DAB1: variants seen among roughly 807,000 people sequenced by gnomAD.
The protein encoded by DAB1 is DAB adaptor protein 1.
DAB1 carries 15 observed loss-of-function variants against 64.6 expected under a neutral mutation model. The ratio of observed to expected loss-of-function variants is 0.23; its 90% CI spans 0.16 to 0.36. The LOEUF is 0.36. Among genes scored for constraint, DAB1 ranks in the 10% least tolerant of loss-of-function variants. The pLI, the probability that DAB1 is intolerant of heterozygous loss-of-function variation, is 1.00. For synonymous variants in DAB1, 235 were observed against 251.9 expected (o/e 0.93, Z 0.64); for missense variants, 596 against 706.7 (o/e 0.84, Z 1.78).
chr1:57,315,738 G>A (rs751337856), intron 1 of DAB1, among the ~76,000 whole-genome samples: 2 of 152,118 alleles, frequency 1.3e-5, no homozygotes, highest in Non-Finnish European at 2.9e-5. Flanking sequence ...TCCTGACCTC[G>A]TGATCCGCCC....
intron 1 of DAB1, among the ~76,000 whole-genome samples, chr1:57,315,084 A>G (rs976841515): frequency 2.1e-4 from 32 of 152,016 alleles, no homozygotes; most frequent in African/African-American, 6.8e-4. Context: ...CCACCACCCC[A>G]CTTCTTCTGT....
intron 6 of DAB1, among the ~76,000 whole-genome samples, chr1:57,737,238 T>C (rs1647735628): frequency 6.6e-6 from 1 of 152,168 alleles, no homozygotes; most frequent in South Asian, 2.1e-4. Flanking sequence ...CAAAAGACAA[T>C]GGTGCTTGTT....
At chr1:58,144,667 T>C (rs1034946757) in intron 5 of DAB1, among the ~76,000 whole-genome samples, 22 of 152,146 alleles carry the variant, frequency 1.4e-4, no homozygotes, top group African/African-American at 5.3e-4. Context: ...GCTCTGACTC[T>C]ACCAGAATGA....
chr1:58,048,013 A>C (rs2100519801), intron 5 of DAB1: 1 of 626,930 alleles, frequency 1.6e-6, no homozygotes, highest in South Asian at 1.7e-5. Flanking sequence ...ATAGTCCTCA[A>C]GTTTTTTGCC....
intron 2 of DAB1, among the ~76,000 whole-genome samples, chr1:57,235,217 T>C (rs550187832): frequency 6.6e-6 from 1 of 152,320 alleles, no homozygotes; most frequent in Admixed American, 6.5e-5. Context: ...ACTTATTCTC[T>C]GTGTGCTTCT....
At chr1:57,802,428 A>G (rs1171403034) in intron 6 of DAB1, among the ~76,000 whole-genome samples, 2 of 152,204 alleles carry the variant, frequency 1.3e-5, no homozygotes, top group African/African-American at 2.4e-5. Context: ...CTAAAGGGGA[A>G]GGAGTGGACA....
intron 7 of DAB1, among the ~76,000 whole-genome samples, chr1:57,529,472 A>G (rs930066828): frequency 1.9e-4 from 29 of 152,118 alleles, no homozygotes; most frequent in Admixed American, 1.8e-3. Context: ...ACTATATATC[A>G]TTTACACATA....
At chr1:58,330,788 G>A (rs1662951894) in intron 4 of DAB1, among the ~76,000 whole-genome samples, 1 of 152,132 alleles carries the variant, frequency 6.6e-6, no homozygotes, top group Non-Finnish European at 1.5e-5. Flanking sequence ...GCCCACTATT[G>A]AGACTGACTG....
At chr1:57,515,118 A>AAAAAG (rs147543726) in intron 7 of DAB1, among the ~76,000 whole-genome samples, 6,610 of 151,744 alleles carry the variant, frequency 0.044, 356 homozygotes, top group African/African-American at 0.13. Context: ...GAAAGAAAGA[A>AAAAAG]AAAAGAAAAG....
chr1:57,520,653 T>C (rs1644514987), intron 7 of DAB1, among the ~76,000 whole-genome samples: 1 of 152,158 alleles, frequency 6.6e-6, no homozygotes, highest in South Asian at 2.1e-4. Context: ...GTTGCCTTGA[T>C]AAACTTAGTT....
chr1:57,871,570 C>T (rs1174073212), intron 1 of DAB1, among the ~76,000 whole-genome samples: 2 of 152,096 alleles, frequency 1.3e-5, no homozygotes, highest in African/African-American at 4.8e-5. Flanking sequence ...ACATAGAAAC[C>T]ATGGCAAAGC....
At chr1:58,079,250 C>A (rs1342818878) in intron 5 of DAB1, among the ~76,000 whole-genome samples, 1 of 152,194 alleles carries the variant, frequency 6.6e-6, no homozygotes, top group Non-Finnish European at 1.5e-5. Flanking sequence ...GACATCACAT[C>A]ATCAGGGAAC....
chr1:57,223,571 T>C (rs1460937930), intron 2 of DAB1, among the ~76,000 whole-genome samples: 1 of 152,150 alleles, frequency 6.6e-6, no homozygotes, highest in Non-Finnish European at 1.5e-5. Context: ...GCAGTTCTTT[T>C]TAACTGAGTG....
At chr1:58,008,087 G>T in intron 5 of DAB1, among the ~76,000 whole-genome samples, 1 of 152,160 alleles carries the variant, frequency 6.6e-6, no homozygotes, top group East Asian at 1.9e-4. Flanking sequence ...ATTACTGTTT[G>T]TCAGACACTG....
chr1:57,332,722 A>T (rs1209190897), intron 1 of DAB1, among the ~76,000 whole-genome samples: 7 of 152,208 alleles, frequency 4.6e-5, no homozygotes, highest in Non-Finnish European at 2.9e-5. Flanking sequence ...CTTCTTACCC[A>T]TGCCCAATAG....
chr1:57,664,855 C>G (rs1387774083), intron 6 of DAB1, among the ~76,000 whole-genome samples: 1 of 151,948 alleles, frequency 6.6e-6, no homozygotes, highest in Admixed American at 6.6e-5. Context: ...GATGAGCCTA[C>G]TTTTGTAAAA....
chr1:57,069,794 T>C (rs1456515169), intron 7 of DAB1, among the ~76,000 whole-genome samples: 2 of 152,196 alleles, frequency 1.3e-5, no homozygotes, highest in African/African-American at 4.8e-5. Flanking sequence ...CTTTGTAATG[T>C]ATGGGTTACA....
intron 7 of DAB1, among the ~76,000 whole-genome samples, chr1:57,429,095 T>G (rs1007576380): frequency 1.6e-4 from 25 of 152,102 alleles, no homozygotes; most frequent in Non-Finnish European, 2.8e-4. Context: ...CAAGAATTTT[T>G]GTAAGGACAA....
At chr1:57,821,556 CA>C (rs1652122406), downstream of DAB1, among the ~76,000 whole-genome samples, 1 of 152,176 alleles carries the variant, frequency 6.6e-6, no homozygotes. Flanking sequence ...ATAGACAACC[CA>C]AAGGAACAGA....
Sources: gnomAD v4.1 joint callset for allele counts (sites outside exome capture counted in the v4.1 genomes callset) on GRCh38, gnomAD v4.1.1 for gene constraint, MANE v1.5 for transcripts, NCBI Gene and HGNC (gene_info 2026-07-23, HGNC 2026-07-21) for gene names.